Variants in RGS22 observed in about 807,000 individuals in gnomAD.
RGS22 encodes the protein regulator of G-protein signaling 22.
In RGS22, 148 loss-of-function variants were observed where a neutral mutation model predicts 172.9. The ratio of observed to expected loss-of-function variants is 0.86; its 90% CI spans 0.75 to 0.98. RGS22 has a LOEUF of 0.98. Among genes scored for constraint, RGS22 ranks in the 50% least tolerant of loss-of-function variants. The pLI is 0.00. For synonymous variants in RGS22, 458 were observed against 480.2 expected (o/e 0.95, Z 0.60); for missense variants, 1,347 against 1,440.8 (o/e 0.93, Z 1.05).
intron 9 of RGS22, among the ~76,000 whole-genome samples, chr8:100,056,372 C>T (rs192274875): frequency 4.6e-5 from 7 of 152,216 alleles, no homozygotes; most frequent in Admixed American, 3.3e-4. Context: ...AAGCTGGCTG[C>T]AGAAATTTGC....
intron 21 of RGS22, among the ~76,000 whole-genome samples, chr8:99,985,348 G>T (rs1588906101): frequency 6.6e-6 from 1 of 152,314 alleles, no homozygotes; most frequent in East Asian, 1.9e-4. Flanking sequence ...ATAAGAGTTA[G>T]CTCGGTTAGA....
rs769092442 is a variant in RGS22, at chr8:100,080,156, A to C, written c.317T>G (p.Ile106Ser). 23 of 1,607,706 alleles carry C rather than the reference A, an allele frequency of 1.4e-5. No homozygotes were observed. The highest frequency in any genetic ancestry group is 1.6e-4 in the Middle Eastern group (1 of 6,070). The change falls in exon 4 of 28, where the codon ATT (isoleucine) becomes AGT (serine). Residue 106 changes from isoleucine to serine, a missense_variant. Coordinates refer to ENST00000360863, the MANE Select transcript of RGS22 (RefSeq NM_015668.5). ...TACCATAATATTGTAGTTGACATTA[A>C]TGGTCTCATCTTCATCGGGGGCATT... ...QMNAPDEDET[I>S]NVNYNIMCLS...
At chr8:99,990,584 C>A (rs1213564654) in intron 20 of RGS22, among the ~76,000 whole-genome samples, 1 of 152,158 alleles carries the variant, frequency 6.6e-6, no homozygotes, top group African/African-American at 2.4e-5. Flanking sequence ...TTGGGCAAGT[C>A]ACTGAAACGT....
chr8:100,073,450 A>G (rs183330887), intron 4 of RGS22, among the ~76,000 whole-genome samples: 2 of 152,138 alleles, frequency 1.3e-5, no homozygotes, highest in East Asian at 1.9e-4. Flanking sequence ...AACAAAAAAA[A>G]CATGTATTTG....
intron 3 of RGS22, among the ~76,000 whole-genome samples, chr8:100,090,074 T>G (rs529107308): frequency 1.3e-5 from 2 of 152,302 alleles, no homozygotes; most frequent in East Asian, 3.9e-4. Context: ...TGATTGCCTG[T>G]TATGCTGCAG....
At chr8:100,044,710 C>G (rs1489224586) in intron 11 of RGS22, among the ~76,000 whole-genome samples, 2 of 148,078 alleles carry the variant, frequency 1.4e-5, no homozygotes, top group East Asian at 4.1e-4. Context: ...ACCTTGATAA[C>G]TTAGTTCTCA....
intron 23 of RGS22, among the ~76,000 whole-genome samples, chr8:99,971,641 A>G (rs1811365949): frequency 6.6e-6 from 1 of 152,306 alleles, no homozygotes; most frequent in East Asian, 1.9e-4. Context: ...TACAAAGAAA[A>G]TAAAATACCT....
chr8:99,988,544 A>G (rs1055044732), intron 20 of RGS22, among the ~76,000 whole-genome samples: 4 of 152,196 alleles, frequency 2.6e-5, no homozygotes, highest in Non-Finnish European at 4.4e-5. Context: ...CATTCCAAAG[A>G]CAATGATTTA....
At chr8:100,074,572 T>TC (rs1194325062) in intron 4 of RGS22, among the ~76,000 whole-genome samples, 1 of 152,216 alleles carries the variant, frequency 6.6e-6, no homozygotes, top group Non-Finnish European at 1.5e-5. Context: ...TTAAGATTTA[T>TC]CTATGTTCTT....
chr8:99,974,795 C>CAA (rs796385179), intron 23 of RGS22, among the ~76,000 whole-genome samples: 202 of 116,140 alleles, frequency 1.7e-3, no homozygotes, highest in African/African-American at 5.2e-3. Context: ...AAGACTCTGT[C>CAA]AAAAAAAAAA....
chr8:100,082,751 T>C (rs564393187), intron 3 of RGS22, among the ~76,000 whole-genome samples: 51 of 152,120 alleles, frequency 3.4e-4, no homozygotes, highest in Non-Finnish European at 6.0e-4. Flanking sequence ...ACTGACCACT[T>C]CTCTACACCA....
chr8:100,054,231 A>T (rs1255728111), intron 9 of RGS22: 2 of 152,222 alleles, frequency 1.3e-5, no homozygotes, highest in Non-Finnish European at 2.9e-5. Flanking sequence ...TCTTCCCCTT[A>T]ATGCCACAGC....
In RGS22 at chr8:99,962,754, G is replaced by A. The variant is rs530521517; in HGVS notation, c.3723C>T (p.Leu1241=). The part of the protein sequence containing the change: ...EKKLFAGLQP[L]TNFKASSSTM... ...TTGAAGAGCTAGCCTTAAAATTTGT[G>A]AGAGGTTGCAAGCCTGCACAAAAAT... Residue 1241 remains leucine (L), a synonymous_variant, in exon 26 of 28, where the codon CTC becomes CTT. Transcript: ENST00000360863. 4 of 1,611,438 alleles carry A rather than the reference G, an allele frequency of 2.5e-6. No individual in the cohort carries two copies. Among genetic ancestry groups the A allele is most frequent in the Middle Eastern group, 1.7e-4 (1 of 6,038 alleles).
intron 10 of RGS22, among the ~76,000 whole-genome samples, chr8:100,048,171 A>T (rs1369254079): frequency 6.6e-6 from 1 of 152,212 alleles, no homozygotes; most frequent in Non-Finnish European, 1.5e-5. Context: ...GATTAAAAAA[A>T]GTATAAACAA....
Position 100,105,881 on chromosome 8 carries a change from T to G in RGS22, c.25+16A>C. ...GCCGCGGGCTGATCCTCTGTCCCTG[T>G]GGGGCCGCCACCTACCCGCGGTGAG... On this transcript the variant is annotated intron_variant, in intron 1 of 27. Transcript: ENST00000360863. 6.6e-7 allele frequency: 1 copy of G among 1,504,222 alleles called. No homozygotes were observed. Among genetic ancestry groups the G allele is most frequent in the Non-Finnish European group, 8.9e-7 (1 of 1,127,772 alleles). The allele number at this position is 1,504,222 out of a possible 1,614,324, so 93.2% of individuals were successfully genotyped here.
At chr8:100,000,699 T>C (rs1351982296) in intron 18 of RGS22, among the ~76,000 whole-genome samples, 2 of 152,166 alleles carry the variant, frequency 1.3e-5, no homozygotes, top group African/African-American at 4.8e-5. Context: ...ACAAGCCAAA[T>C]AGAAAACAAA....
intron 4 of RGS22, among the ~76,000 whole-genome samples, chr8:100,075,021 C>T (rs1030335063): frequency 1.2e-4 from 18 of 152,152 alleles, no homozygotes; most frequent in African/African-American, 3.4e-4. Flanking sequence ...CCAGCCGTCT[C>T]GGCCTCTCAA....
chr8:99,967,761 C>T (rs185725001), intron 23 of RGS22, among the ~76,000 whole-genome samples: 2 of 152,330 alleles, frequency 1.3e-5, no homozygotes, highest in East Asian at 3.9e-4. Context: ...ACTCCCAACT[C>T]CCTGGGACAG....
At chr8:100,010,468 G>C (rs1419146762) in intron 14 of RGS22, among the ~76,000 whole-genome samples, 1 of 152,096 alleles carries the variant, frequency 6.6e-6, no homozygotes, top group East Asian at 1.9e-4. Flanking sequence ...CCTGGCAACA[G>C]AGTGAGACTC....
Sources: gnomAD v4.1 joint callset for allele counts (sites outside exome capture counted in the v4.1 genomes callset) on GRCh38, gnomAD v4.1.1 for gene constraint, MANE v1.5 for transcripts, NCBI Gene and HGNC (gene_info 2026-07-23, HGNC 2026-07-21) for gene names.